Variants in PTPRG observed in about 807,000 individuals in gnomAD.
PTPRG encodes the protein protein tyrosine phosphatase receptor type G.
Under a neutral mutation model 165.3 loss-of-function variants are expected in PTPRG, and 102 were observed. That is an observed-to-expected ratio of 0.62 (90% CI 0.53 to 0.73). The LOEUF (loss-of-function observed/expected upper bound fraction) is 0.73, where lower values mean the gene tolerates loss of function less well. PTPRG is among the 30% of genes least tolerant of loss of function. The pLI, the probability that PTPRG is intolerant of heterozygous loss-of-function variation, is 0.00. For missense variants in PTPRG, 1,866 were observed against 1,861.4 expected (o/e 1.00, Z -0.05); for synonymous variants, 675 against 669.5 (o/e 1.01, Z -0.13).
At chr3:61,729,376 A>T (rs1372725433) in intron 1 of PTPRG, among the ~76,000 whole-genome samples, 1 of 152,162 alleles carries the variant, frequency 6.6e-6, no homozygotes, top group Non-Finnish European at 1.5e-5. Context: ...CAACTGATTG[A>T]CATTTAAAAA....
chr3:62,195,458 C>A lies in PTPRG; in HGVS notation c.1327+288C>A, dbSNP rs140455878. Among the ~76,000 whole-genome samples the A allele has an allele frequency of 6.6e-6, 1 of 152,290 alleles. No individual in the cohort carries two copies. Among genetic ancestry groups the A allele is most frequent in the African/African-American group, 2.4e-5 (1 of 41,574 alleles). On this transcript the variant is annotated intron_variant, in intron 10 of 29. Coordinates refer to ENST00000474889, the MANE Select transcript of PTPRG (RefSeq NM_002841.4). This position sits in a 1 kb window ranked among gnomAD's most constrained non-coding sequence, Gnocchi z 4.4. ...GGCCTTTTTCTCGGTCACTGTCCAG[C>A]GCTGTGTCAGATCACACAATCACTT... is the stretch of plus-strand genomic sequence containing the variant.
chr3:62,157,751 C>T (rs1390342849), intron 7 of PTPRG, among the ~76,000 whole-genome samples: 2 of 152,176 alleles, frequency 1.3e-5, no homozygotes, highest in Non-Finnish European at 2.9e-5. Flanking sequence ...AAAGAGCATG[C>T]TCTGACCACT....
intron 2 of PTPRG, among the ~76,000 whole-genome samples, chr3:61,935,304 A>G (rs1204462786): frequency 6.6e-6 from 1 of 152,206 alleles, no homozygotes; most frequent in Non-Finnish European, 1.5e-5. Context: ...CAAGTAACAG[A>G]TGGACAGAAT....
intron 1 of PTPRG, among the ~76,000 whole-genome samples, chr3:61,606,267 ATGCCTGCCTT>A (rs1235249678): frequency 6.6e-6 from 1 of 152,138 alleles, no homozygotes; most frequent in East Asian, 1.9e-4. Flanking sequence ...CTCCTGAAGG[ATGCCTGCCTT>A]TGCCTGCGAC....
At chr3:61,950,185 G>A (rs990212211) in intron 2 of PTPRG, among the ~76,000 whole-genome samples, 1 of 152,168 alleles carries the variant, frequency 6.6e-6, no homozygotes, top group African/African-American at 2.4e-5. Flanking sequence ...CTGGGAGACA[G>A]TTTCCAGGCC....
chr3:62,007,344 G>A (rs1385110523), intron 4 of PTPRG, among the ~76,000 whole-genome samples: 1 of 152,198 alleles, frequency 6.6e-6, no homozygotes, highest in Non-Finnish European at 1.5e-5. Flanking sequence ...AAAACATCTA[G>A]TCTAATAGTT....
chr3:61,809,240 A>T (rs1393116825), intron 2 of PTPRG, among the ~76,000 whole-genome samples: 1 of 151,762 alleles, frequency 6.6e-6, no homozygotes, highest in Non-Finnish European at 1.5e-5. Context: ...TTGCATCCTC[A>T]AATTTGGAGT....
intron 2 of PTPRG, among the ~76,000 whole-genome samples, chr3:61,776,404 C>A (rs924074051): frequency 2.0e-5 from 3 of 152,094 alleles, no homozygotes; most frequent in African/African-American, 7.2e-5. Context: ...TCAACACAGG[C>A]GCTTTCCCCT....
intron 2 of PTPRG, among the ~76,000 whole-genome samples, chr3:61,954,349 T>G (rs61632832): frequency 0.12 from 18,454 of 152,074 alleles, 1,387 homozygotes; most frequent in South Asian, 0.17. Flanking sequence ...GGTGGTAAAT[T>G]TGTATATGTT....
chr3:61,825,951 A>G (rs1188823800), intron 2 of PTPRG, among the ~76,000 whole-genome samples: 2 of 152,158 alleles, frequency 1.3e-5, no homozygotes, highest in African/African-American at 4.8e-5. Context: ...CACCACTCCC[A>G]GCCAATCTTG....
chr3:62,271,551 T>G lies in PTPRG; in HGVS notation c.3178T>G (p.Cys1060Gly), dbSNP rs1431645854. The change falls in exon 21 of 30, where the codon TGC (cysteine) becomes GGC (glycine). Residue 1060 changes from cysteine (C) to glycine (G), a missense_variant. Physicochemically the swap from Cys to Gly is radical, Grantham distance 159. This residue lies in a region of PTPRG where 1,452 missense variants were observed against 1,463.0 expected (regional missense o/e 0.99). Transcript: ENST00000474889. This position sits in a 1 kb window ranked among gnomAD's most constrained non-coding sequence, Gnocchi z 4.1. The part of the protein sequence containing the change: ...MPETGPVLVH[C>G]SAGVGRTGTY... ...AGAAACGGGCCCTGTGTTGGTGCAC[T>G]GCAGGTAGGGTCTAGGATTCAACAT... 6.2e-7 allele frequency: 1 copy of G among 1,612,656 alleles called. No individual in the cohort carries two copies. Among genetic ancestry groups the G allele is most frequent in the Non-Finnish European group, 8.5e-7 (1 of 1,179,242 alleles).
rs199644587 is a variant in PTPRG at position 62,273,106 on chromosome 3, C to G, written c.3318+25C>G. Reference sequence around the variant, plus strand: ...GGTAAGGAGTAGCTGCCAGCGTCCTCACGACATTCTGGCAAATGCTGTAAC... The same window carrying G: ...GGTAAGGAGTAGCTGCCAGCGTCCTGACGACATTCTGGCAAATGCTGTAAC... On this transcript the variant is annotated intron_variant, in intron 22 of 29. Coordinates refer to ENST00000474889, the MANE Select transcript of PTPRG (RefSeq NM_002841.4). The surrounding 1 kb of genome is among the most constrained non-coding windows in gnomAD (Gnocchi z 4.1). 1.4e-4 allele frequency: 228 copies of G among 1,584,452 alleles called. No homozygotes were observed. In the African/African-American group the frequency reaches 2.7e-3, roughly 19 times the overall value.
chr3:62,292,401 C>CT lies in PTPRG; in HGVS notation c.4056-10dup, dbSNP rs749072273. 3.0e-3 allele frequency: 4,117 copies of CT among 1,394,438 alleles called. No individual in the cohort carries two copies. Among genetic ancestry groups the CT allele is most frequent in the South Asian group, 5.5e-3 (405 of 73,626 alleles). 86.4% of individuals were successfully genotyped at this position (1,394,438 alleles called of 1,614,324 possible). ...TCCCTTTGTACATCTGAAATCGTATCTTTTTTTTTTCTCCCCCAGGTATGG... is the reference window on the plus strand; with the variant it reads ...TCCCTTTGTACATCTGAAATCGTATCTTTTTTTTTTTCTCCCCCAGGTATGG... On this transcript the variant is annotated intron_variant, in intron 28 of 29. Coordinates refer to ENST00000474889, the MANE Select transcript of PTPRG (RefSeq NM_002841.4).
At chr3:61,619,513 G>A (rs1225490570) in intron 1 of PTPRG, among the ~76,000 whole-genome samples, 2 of 152,264 alleles carry the variant, frequency 1.3e-5, no homozygotes, top group East Asian at 1.9e-4. Flanking sequence ...GACAGCCACC[G>A]CAGGAAAGAA....
intron 1 of PTPRG, among the ~76,000 whole-genome samples, chr3:61,709,516 T>A (rs984242739): frequency 6.6e-6 from 1 of 152,136 alleles, no homozygotes; most frequent in African/African-American, 2.4e-5. Context: ...CGTTTTGCCA[T>A]GTTGGCCAGG....
chr3:61,976,921 A>C (rs894425025), intron 2 of PTPRG, among the ~76,000 whole-genome samples: 1 of 152,038 alleles, frequency 6.6e-6, no homozygotes, highest in African/African-American at 2.4e-5. Context: ...GTGTTCTGCC[A>C]TGCCTTGGCC....
chr3:62,188,933 T>G (rs1256276599), intron 8 of PTPRG, among the ~76,000 whole-genome samples: 1 of 152,140 alleles, frequency 6.6e-6, no homozygotes, highest in Admixed American at 6.6e-5. Context: ...TGTAGCTATT[T>G]CCTGATCTTT....
At chr3:61,912,817 T>C (rs1026273825) in intron 2 of PTPRG, among the ~76,000 whole-genome samples, 2 of 152,220 alleles carry the variant, frequency 1.3e-5, no homozygotes, top group African/African-American at 4.8e-5. Flanking sequence ...GGTATTTTAG[T>C]TTACTGGCAG....
intron 1 of PTPRG, among the ~76,000 whole-genome samples, chr3:61,600,347 G>T (rs181378029): frequency 6.6e-6 from 1 of 151,924 alleles, no homozygotes; most frequent in Non-Finnish European, 1.5e-5. Context: ...TTTGATTTCA[G>T]TCAAGCTCAG....
Sources: allele counts gnomAD v4.1 joint callset (sites outside exome capture counted in the v4.1 genomes callset), GRCh38; gene constraint gnomAD v4.1.1; regional missense constraint gnomAD v4.1.1; non-coding constraint Gnocchi (gnomAD v3.1); transcripts MANE v1.5; gene names NCBI Gene and HGNC (gene_info 2026-07-23, HGNC 2026-07-21).